Variants in TTC14 observed in about 807,000 individuals in gnomAD.
The protein encoded by TTC14 is tetratricopeptide repeat domain 14.
A neutral mutation model predicts 79.9 loss-of-function variants in TTC14; 63 were observed. The ratio of observed to expected loss-of-function variants is 0.79; its 90% CI spans 0.64 to 0.97. The LOEUF (loss-of-function observed/expected upper bound fraction) is 0.97. Ranked by LOEUF, TTC14 falls within the 50% of genes least tolerant of loss-of-function variation. The probability of loss-of-function intolerance (pLI) is 0.00; values close to 1 mark genes in which losing one functional copy is unlikely to be tolerated. For missense variants in TTC14, 895 were observed against 894.0 expected, an observed-to-expected ratio of 1.00 and a Z score of -0.01; for synonymous variants, 335 against 309.6, an observed-to-expected ratio of 1.08 and a Z score of -0.86.
exon 13 of TTC14, chr3:180,617,584 G>A: frequency 2.1e-6 from 1 of 466,460 alleles, no homozygotes; most frequent in South Asian, 5.1e-5. Context: ...GTTTATGTGT[G>A]TGTATGTGTC....
At position 180,609,696 on chromosome 3, in the gene TTC14, TTCA is replaced by T. The variant is rs1716883006; in HGVS notation, c.1476_1478del (p.Ser497del). The T allele has an allele frequency of 1.2e-6, 2 of 1,609,896 alleles. No individual in the cohort carries two copies. Among genetic ancestry groups the T allele is most frequent in the East Asian group, 2.2e-5 (1 of 44,830 alleles). ...TTTCTTCTGCTGATGAATCAGTGTC[TTCA>T]TCATCATCCTCTTCCTCTTCTGGTC... On this transcript the variant is annotated inframe_deletion, in exon 12 of 12. Coordinates refer to ENST00000296015, the MANE Select transcript of TTC14 (RefSeq NM_133462.4).
chr3:180,610,372 G>A lies in TTC14; in HGVS notation c.2143G>A (p.Glu715Lys). ...TACAAATCAAGGAGAATATGAAAGA[G>A]AGGACAATTATGGGGAGGATATCAA... is the stretch of plus-strand genomic sequence containing the variant. Reference protein sequence around the residue: ...LNTNQGEYEREDNYGEDIKTE... With the variant: ...LNTNQGEYERKDNYGEDIKTE... Residue 715 changes from glutamate to lysine, a missense_variant, in exon 12 of 12, where the codon GAG (glutamate) becomes AAG (lysine). Transcript: ENST00000296015. The A allele has an allele frequency of 6.2e-7, 1 of 1,613,640 alleles. No individual in the cohort carries two copies. The highest frequency in any genetic ancestry group is 1.7e-4 in the Middle Eastern group (1 of 6,054).
downstream of TTC14, among the ~76,000 whole-genome samples, chr3:180,612,865 C>T (rs184018411): frequency 7.6e-4 from 115 of 152,290 alleles, no homozygotes; most frequent in African/African-American, 2.6e-3. Flanking sequence ...GCAGGGGACT[C>T]ATCCAGAATT....
At chr3:180,615,158 C>T, downstream of TTC14, 1 of 1,010,964 alleles carries the variant, frequency 9.9e-7, no homozygotes, top group Non-Finnish European at 1.4e-6. Context: ...CAAAAGGTAC[C>T]ATAATTCCAT....
At chr3:180,608,583 A>G in intron 10 of TTC14, 118 bp from the exon 11 acceptor site, 4 of 1,335,126 alleles carry the variant, frequency 3.0e-6, no homozygotes, top group Non-Finnish European at 3.9e-6. Flanking sequence ...TGCTGGCTCT[A>G]TGGTGATTTG....
intron 12 of TTC14, chr3:180,616,571 T>C (rs1354063958): frequency 6.2e-7 from 1 of 1,601,054 alleles, no homozygotes; most frequent in Admixed American, 1.7e-5. Flanking sequence ...TTCTATGATA[T>C]CAACTAACAT....
Position 180,610,037 on chromosome 3 carries a change from G to A in TTC14, c.1808G>A (p.Ser603Asn), listed in dbSNP as rs750531607. The A allele has an allele frequency of 9.3e-6, 15 of 1,613,858 alleles. No homozygotes were observed. The highest frequency in any genetic ancestry group is 1.3e-5 in the Non-Finnish European group (15 of 1,179,962). ...RSEDPRDFYNSYKTQAGSSKT... is the reference protein window; with the variant it reads ...RSEDPRDFYNNYKTQAGSSKT... ...GAAGATCCAAGAGATTTTTATAACAGCTATAAAACCCAAGCAGGTAGTAGC... is the reference window on the plus strand; with the variant it reads ...GAAGATCCAAGAGATTTTTATAACAACTATAAAACCCAAGCAGGTAGTAGC... Residue 603 changes from serine (S) to asparagine (N), a missense_variant, in exon 12 of 12, where the codon AGC becomes AAC. Ser to Asn is a conservative substitution (Grantham distance 46, BLOSUM62 1). Transcript: ENST00000296015.
At chr3:180,617,323 T>C in intron 12 of TTC14, 2 of 491,174 alleles carry the variant, frequency 4.1e-6, no homozygotes, top group Non-Finnish European at 3.6e-6. Context: ...ATAGTGATAA[T>C]AAAAGATATT....
downstream of TTC14, chr3:180,614,896 A>G (rs1453278514): frequency 1.3e-6 from 2 of 1,539,690 alleles, no homozygotes; most frequent in East Asian, 2.4e-5. Flanking sequence ...TGTGTTTACA[A>G]CTTTTTCAGA....
rs1716905824 is a variant in TTC14 at position 180,610,021 on chromosome 3, A to G, written c.1792A>G (p.Arg598Gly). 4 of 1,614,102 alleles carry G rather than the reference A, an allele frequency of 2.5e-6. No individual in the cohort carries two copies. Among genetic ancestry groups the G allele is most frequent in the East Asian group, 2.2e-5 (1 of 44,870 alleles). The stretch of plus-strand genomic sequence containing the variant: ...TTTTGGAGGTAGGTCTGAAGATCCA[A>G]GAGATTTTTATAACAGCTATAAAAC... ...DDFGGRSEDPRDFYNSYKTQA... is the reference protein window; with the variant it reads ...DDFGGRSEDPGDFYNSYKTQA... Residue 598 changes from arginine (R) to glycine (G), a missense_variant, in exon 12 of 12, where the codon AGA becomes GGA. Coordinates refer to ENST00000296015, the MANE Select transcript of TTC14 (RefSeq NM_133462.4).
At chr3:180,613,990 G>A, downstream of TTC14, 3 of 377,192 alleles carry the variant, frequency 8.0e-6, no homozygotes, top group South Asian at 6.1e-5. Flanking sequence ...AGGTTTGAAG[G>A]AGACACATGT....
At chr3:180,615,216 A>G, downstream of TTC14, 1 of 577,846 alleles carries the variant, frequency 1.7e-6, no homozygotes, top group Non-Finnish European at 2.9e-6. Context: ...AAGTTTTTAA[A>G]TGACCATCAA....
downstream of TTC14, chr3:180,614,836 T>C: frequency 8.1e-7 from 1 of 1,240,872 alleles, no homozygotes. Context: ...CACTTTCCAC[T>C]AGATAAAATG....
chr3:180,611,256 T>TTAAA, downstream of TTC14: 2 of 785,470 alleles, frequency 2.5e-6, no homozygotes, highest in Non-Finnish European at 3.1e-6. Context: ...CTTTTTAACT[T>TTAAA]TAAATATTTA....
intron 6 of TTC14, 33 bp from the exon 7 acceptor site, chr3:180,605,733 G>T (rs777888554): frequency 1.3e-6 from 2 of 1,512,302 alleles, no homozygotes; most frequent in South Asian, 1.2e-5. Context: ...AATATTTGTG[G>T]TTTAACTTTT....
At chr3:180,613,224 A>C (rs1374345624), downstream of TTC14, among the ~76,000 whole-genome samples, 1 of 152,224 alleles carries the variant, frequency 6.6e-6, no homozygotes, top group Admixed American at 6.5e-5. Flanking sequence ...CATTGTCAAG[A>C]ATAGCGACAT....
Position 180,609,884 on chromosome 3 carries a change from A to C in TTC14, c.1655A>C (p.Gln552Pro). 1.2e-6 allele frequency: 2 copies of C among 1,613,916 alleles called. No homozygotes were observed. Among genetic ancestry groups the C allele is most frequent in the Non-Finnish European group, 1.7e-6 (2 of 1,179,914 alleles). ...TCAGCATCTTTTCTTAACCATAAAC[A>C]AGAAGTGGAGAAACTACTGGGGAAG... Reference protein sequence around the residue: ...NTSASFLNHKQEVEKLLGKQD... With the variant: ...NTSASFLNHKPEVEKLLGKQD... The change falls in exon 12 of 12, where the codon CAA becomes CCA. Residue 552 changes from glutamine to proline, a missense_variant. Coordinates refer to ENST00000296015, the MANE Select transcript of TTC14 (RefSeq NM_133462.4).
At position 180,603,021 on chromosome 3, in the gene TTC14, T is replaced by C; in HGVS notation, c.286+6T>C. ...AATTAATGAAGACAGTGAAGGTCAG[T>C]TTAGCCTTAAAATCTTTAAGATTGC... On this transcript the variant is annotated splice_donor_region_variant and intron_variant, in intron 2 of 11. Transcript: ENST00000296015. The C allele has an allele frequency of 6.2e-7, 1 of 1,611,776 alleles. No individual in the cohort carries two copies. The highest frequency in any genetic ancestry group is 8.5e-7 in the Non-Finnish European group (1 of 1,179,348).
rs78443925 is a variant in TTC14 at position 180,609,616 on chromosome 3, A to G, written c.1401-14A>G. On this transcript the variant is annotated splice_polypyrimidine_tract_variant and intron_variant, in intron 11 of 11. Transcript: ENST00000296015. ...ATTTTTGTATATATATGACAAATGA[A>G]CTGTTTTTTTTAGGCTAAAGAAGAA... is the stretch of plus-strand genomic sequence containing the variant. 6,805 of 1,531,032 alleles carry G rather than the reference A, an allele frequency of 4.4e-3. 143 individuals carry two copies. In the East Asian group the frequency reaches 0.067, roughly 15 times the overall value. The allele number at this position is 1,531,032 out of a possible 1,614,324, so 94.8% of individuals were successfully genotyped here. A position where few individuals can be genotyped will look rare whatever the true frequency, so the allele number is the denominator to read the frequency against.
Sources: allele counts gnomAD v4.1 joint callset (sites outside exome capture counted in the v4.1 genomes callset), GRCh38; gene constraint gnomAD v4.1.1; transcripts MANE v1.5; gene names NCBI Gene and HGNC (gene_info 2026-07-23, HGNC 2026-07-21).